The following FOXP1 variants were observed in gnomAD, a reference collection of about 807,000 sequenced individuals.
The protein encoded by FOXP1 is forkhead box P1, also known as forkhead box protein P1.
A neutral mutation model predicts 98.2 loss-of-function variants in FOXP1; 15 were observed. The observed-to-expected ratio is 0.15, with a 90% CI of 0.10 to 0.24. FOXP1 has a LOEUF of 0.24. Ranked by LOEUF, FOXP1 falls within the 10% of genes least tolerant of loss-of-function variation. The probability of loss-of-function intolerance (pLI) is 1.00; values close to 1 mark genes in which losing one functional copy is unlikely to be tolerated. For missense variants in FOXP1, 633 were observed against 848.5 expected (o/e 0.75, Z 3.15); for synonymous variants, 371 against 314.5 (o/e 1.18, Z -1.90).
intron 5 of FOXP1, among the ~76,000 whole-genome samples, chr3:71,213,691 C>T (rs2064685788): frequency 6.6e-6 from 1 of 152,114 alleles, no homozygotes; most frequent in African/African-American, 2.4e-5. Flanking sequence ...TGGTGGGTGC[C>T]TGTAGTCCCA....
Position 70,958,273 on chromosome 3 carries a change from C to T in FOXP1, c.*974G>A, listed in dbSNP as rs777481567. ...CCCCGAACCACCCCCAATACTGCTG[C>T]GTGGAATGAATCGGCATTGTTCCTA... is the stretch of plus-strand genomic sequence containing the variant. On this transcript the variant is annotated 3_prime_UTR_variant, in exon 21 of 21. Coordinates refer to ENST00000649528, the MANE Select transcript of FOXP1 (RefSeq NM_001349338.3). 179 of 535,166 alleles carry T rather than the reference C, an allele frequency of 3.3e-4. No individual in the cohort carries two copies. The highest frequency in any genetic ancestry group is 5.8e-4 in the Non-Finnish European group (159 of 276,126). 33.2% of individuals were successfully genotyped at this position (535,166 alleles called of 1,614,324 possible).
intron 6 of FOXP1, among the ~76,000 whole-genome samples, chr3:71,180,260 T>G (rs1294432428): frequency 6.6e-6 from 1 of 152,174 alleles, no homozygotes; most frequent in East Asian, 1.9e-4. Flanking sequence ...AATCATGTAT[T>G]ATTTCAGACT....
chr3:71,503,860 T>C (rs775178606), intron 2 of FOXP1, among the ~76,000 whole-genome samples: 2 of 152,076 alleles, frequency 1.3e-5, no homozygotes, highest in Non-Finnish European at 2.9e-5. Flanking sequence ...GACATGCTCA[T>C]TAGGGGGTCA....
At chr3:71,368,681 C>A (rs1318409649) in intron 3 of FOXP1, among the ~76,000 whole-genome samples, 1 of 152,148 alleles carries the variant, frequency 6.6e-6, no homozygotes, top group Non-Finnish European at 1.5e-5. Context: ...ATGACATTTC[C>A]AATTCCAATC....
intron 6 of FOXP1, among the ~76,000 whole-genome samples, chr3:71,185,006 A>C (rs1168303981): frequency 6.6e-6 from 1 of 152,116 alleles, no homozygotes; most frequent in Non-Finnish European, 1.5e-5. Flanking sequence ...CAGCCTGGCC[A>C]ATATGATGAA....
intron 11 of FOXP1, among the ~76,000 whole-genome samples, chr3:71,017,673 A>T (rs1297859768): frequency 6.6e-6 from 1 of 152,162 alleles, no homozygotes; most frequent in Non-Finnish European, 1.5e-5. Flanking sequence ...GTATCAACTT[A>T]ACTCTAGTTA....
intron 3 of FOXP1, among the ~76,000 whole-genome samples, chr3:71,457,071 A>T (rs1399338063): frequency 1.3e-5 from 2 of 152,120 alleles, no homozygotes; most frequent in African/African-American, 2.4e-5. Context: ...TCATTCACAC[A>T]TCTCTGCCAT....
chr3:71,579,688 T>C (rs1446122144), intron 2 of FOXP1, among the ~76,000 whole-genome samples: 1 of 142,776 alleles, frequency 7.0e-6, no homozygotes, highest in South Asian at 2.2e-4. Context: ...ATACAAAACC[T>C]TGGCTTCCCT....
chr3:71,120,073 TA>T (rs1476849858), intron 6 of FOXP1, among the ~76,000 whole-genome samples: 1 of 152,196 alleles, frequency 6.6e-6, no homozygotes, highest in African/African-American at 2.4e-5. Flanking sequence ...AGCACTGCAG[TA>T]AATCATTGAG....
Position 71,031,071 on chromosome 3 carries a change from A to G in FOXP1, c.869+10257T>C, listed in dbSNP as rs184334881. The stretch of plus-strand genomic sequence containing the variant: ...ACCCAGAATTCCACTGATTACTAAA[A>G]TGACTCCTTTGAAAGCAAATATCAC... On this transcript the variant is annotated intron_variant, in intron 11 of 20. Coordinates refer to ENST00000649528, the MANE Select transcript of FOXP1 (RefSeq NM_001349338.3). Among the ~76,000 whole-genome samples the G allele has an allele frequency of 2.2e-4, 34 of 152,318 alleles. No homozygotes were observed. The East Asian group carries it at 6.0e-3, about 27-fold the overall frequency.
rs368547914 is a variant in FOXP1, at chr3:71,487,121, T to C, written c.-168+6305A>G. ...ATACACAGGTAAAAAGAGAGCGACA[T>C]AGACTCATTCTCGTCTTTTCCAAAG... On this transcript the variant is annotated intron_variant, in intron 3 of 20. Coordinates refer to ENST00000649528, the MANE Select transcript of FOXP1 (RefSeq NM_001349338.3). Among the ~76,000 whole-genome samples the C allele has an allele frequency of 2.0e-4, 30 of 151,984 alleles. No homozygotes were observed. The East Asian group carries it at 4.5e-3, about 23-fold the overall frequency.
At chr3:70,960,970 T>A (rs1284719813) in intron 20 of FOXP1, among the ~76,000 whole-genome samples, 1 of 150,636 alleles carries the variant, frequency 6.6e-6, no homozygotes, top group African/African-American at 2.5e-5. Flanking sequence ...GCCTCCTGAG[T>A]AAGCTGGGAC....
At chr3:71,335,752 C>G (rs2076624054) in intron 4 of FOXP1, among the ~76,000 whole-genome samples, 1 of 152,116 alleles carries the variant, frequency 6.6e-6, no homozygotes, top group South Asian at 2.1e-4. Flanking sequence ...CGCTTATAAT[C>G]TTAGCACTTT....
intron 5 of FOXP1, among the ~76,000 whole-genome samples, chr3:71,200,011 G>A (rs2063561566): frequency 6.6e-6 from 1 of 150,590 alleles, no homozygotes; most frequent in African/African-American, 2.5e-5. Flanking sequence ...GGACCTGGGA[G>A]GCGGAGGTTG....
chr3:71,264,729 G>C (rs893224812), intron 5 of FOXP1, among the ~76,000 whole-genome samples: 9 of 152,138 alleles, frequency 5.9e-5, no homozygotes, highest in African/African-American at 2.2e-4. Context: ...CTGTAGTTCA[G>C]CTGGAGGTAA....
intron 3 of FOXP1, among the ~76,000 whole-genome samples, chr3:71,412,746 T>C (rs2082851154): frequency 6.6e-6 from 1 of 152,154 alleles, no homozygotes; most frequent in African/African-American, 2.4e-5. Flanking sequence ...CACCACTGAC[T>C]TACCCCCACC....
intron 5 of FOXP1, among the ~76,000 whole-genome samples, chr3:71,232,610 G>C (rs1232813951): frequency 6.6e-6 from 1 of 151,858 alleles, no homozygotes; most frequent in Admixed American, 6.6e-5. Context: ...AAAGAAGATA[G>C]GGTCAGGGCT....
At chr3:71,402,004 G>A (rs1005375976) in intron 3 of FOXP1, among the ~76,000 whole-genome samples, 2 of 152,242 alleles carry the variant, frequency 1.3e-5, no homozygotes, top group Middle Eastern at 3.4e-3. Flanking sequence ...CATGAGAGAC[G>A]GAATGGCACA....
chr3:71,147,075 A>G (rs746534450), intron 6 of FOXP1, among the ~76,000 whole-genome samples: 1 of 151,914 alleles, frequency 6.6e-6, no homozygotes, highest in African/African-American at 2.4e-5. Flanking sequence ...TTCAGCCAGC[A>G]TCTGTGCCCT....
Sources: allele counts gnomAD v4.1 joint callset (sites outside exome capture counted in the v4.1 genomes callset), GRCh38; gene constraint gnomAD v4.1.1; transcripts MANE v1.5; gene names NCBI Gene and HGNC (gene_info 2026-07-23, HGNC 2026-07-21).